SASH1: variants seen among roughly 807,000 people sequenced by gnomAD.
SASH1 encodes the protein SAM and SH3 domain containing 1.
A neutral mutation model predicts 125.2 loss-of-function variants in SASH1; 44 were observed. The ratio of observed to expected loss-of-function variants is 0.35; its 90% CI spans 0.28 to 0.45. The LOEUF (loss-of-function observed/expected upper bound fraction) is 0.45. Among genes scored for constraint, SASH1 ranks in the 20% least tolerant of loss-of-function variants. The pLI is 1.00. For synonymous variants in SASH1, 639 were observed against 649.1 expected (o/e 0.98, Z 0.24); for missense variants, 1,426 against 1,614.5 (o/e 0.88, Z 2.00).
intron 8 of SASH1, among the ~76,000 whole-genome samples, chr6:148,492,940 A>T (rs532987745): frequency 1.3e-5 from 2 of 152,362 alleles, no homozygotes; most frequent in Admixed American, 6.5e-5. Context: ...CTAACTTCTT[A>T]CCAAACTATT....
At chr6:148,323,929 A>G (rs546427918) in intron 1 of SASH1, among the ~76,000 whole-genome samples, 386 of 152,068 alleles carry the variant, frequency 2.5e-3, no homozygotes, top group Non-Finnish European at 4.2e-3. Context: ...GATCGAGACT[A>G]TGCTGGCCAA....
chr6:148,332,981 C>A (rs1218371910), intron 1 of SASH1, among the ~76,000 whole-genome samples: 1 of 151,874 alleles, frequency 6.6e-6, no homozygotes, highest in African/African-American at 2.4e-5. Context: ...AGCGAGACTC[C>A]TTCTCAAAAA....
rs1380333569 is a variant in SASH1, at chr6:148,514,410, A to G, written c.816A>G (p.Arg272=). Residue 272 remains arginine (R), a synonymous_variant, in exon 9 of 20, where the codon AGA becomes AGG. Coordinates refer to ENST00000367467, the MANE Select transcript of SASH1 (RefSeq NM_015278.5). ...TGGTAAACTCCACTCGCAGAGTCAGAAAGAAACTAATTAGGGTGGAAGAAA... is the reference window on the plus strand; with the variant it reads ...TGGTAAACTCCACTCGCAGAGTCAGGAAGAAACTAATTAGGGTGGAAGAAA... ...HKLVNSTRRV[R]KKLIRVEEMK... 7 of 1,609,232 alleles carry G rather than the reference A, an allele frequency of 4.3e-6. No homozygotes were observed. In the South Asian group the frequency reaches 7.7e-5, roughly 18 times the overall value.
At chr6:148,359,960 G>A (rs1383006217) in intron 1 of SASH1, among the ~76,000 whole-genome samples, 3 of 152,066 alleles carry the variant, frequency 2.0e-5, no homozygotes, top group Admixed American at 6.6e-5. Flanking sequence ...GGGTTTCACC[G>A]TGTTAGCCAG....
chr6:148,492,028 G>A (rs1168914408), intron 8 of SASH1, among the ~76,000 whole-genome samples: 1 of 152,130 alleles, frequency 6.6e-6, no homozygotes, highest in Non-Finnish European at 1.5e-5. Context: ...CCCAACTTGG[G>A]GGAGAAAACA....
chr6:148,466,610 G>A (rs1297739858), intron 4 of SASH1, among the ~76,000 whole-genome samples: 3 of 152,132 alleles, frequency 2.0e-5, no homozygotes, highest in Non-Finnish European at 2.9e-5. Context: ...CACCCAGTTT[G>A]GAGGTCAGTG....
intron 2 of SASH1, among the ~76,000 whole-genome samples, chr6:148,401,927 G>A (rs1313550288): frequency 6.6e-6 from 1 of 152,158 alleles, no homozygotes; most frequent in African/African-American, 2.4e-5. Flanking sequence ...TCCTTAGGGT[G>A]TGGGTTTCTT....
At chr6:148,510,995 CAAAA>C (rs5880785) in intron 8 of SASH1, among the ~76,000 whole-genome samples, 12 of 115,338 alleles carry the variant, frequency 1.0e-4, no homozygotes, top group Non-Finnish European at 1.2e-4. Flanking sequence ...GACTCCATCT[CAAAA>C]AAAAAAAAAA....
chr6:148,424,044 A>G (rs1190356027), intron 2 of SASH1, among the ~76,000 whole-genome samples: 2 of 151,776 alleles, frequency 1.3e-5, no homozygotes, highest in African/African-American at 2.4e-5. Flanking sequence ...CAGACAGCAG[A>G]CAGTCCTGCA....
chr6:148,391,994 T>C (rs1783745444), intron 2 of SASH1, among the ~76,000 whole-genome samples: 1 of 152,094 alleles, frequency 6.6e-6, no homozygotes. Context: ...AAAAAATGTT[T>C]GAAAACTAAG....
chr6:148,227,937 C>T, the SASH1 span, among the ~76,000 whole-genome samples: 5,464 of 152,202 alleles, frequency 0.036, 366 homozygotes, highest in East Asian at 0.26. Context: ...GCTGGAAAAA[C>T]ACCTGTAAGC....
At chr6:148,302,076 G>A (rs1779963795) in intron 1 of SASH1, among the ~76,000 whole-genome samples, 2 of 151,294 alleles carry the variant, frequency 1.3e-5, no homozygotes, top group African/African-American at 4.8e-5. Context: ...AGCACTTTGG[G>A]AGGCCGAGGC....
At chr6:148,198,898 C>G in the SASH1 span, among the ~76,000 whole-genome samples, 3 of 152,102 alleles carry the variant, frequency 2.0e-5, no homozygotes, top group Non-Finnish European at 4.4e-5. Context: ...ATAGCTGTCC[C>G]CTGTAGACAG....
intron 1 of SASH1, among the ~76,000 whole-genome samples, chr6:148,379,693 T>A (rs1461930594): frequency 1.3e-5 from 2 of 152,202 alleles, no homozygotes; most frequent in African/African-American, 4.8e-5. Context: ...TGCAATAATG[T>A]TAGATATTGA....
chr6:148,195,263 C>A, the SASH1 span, among the ~76,000 whole-genome samples: 1 of 152,122 alleles, frequency 6.6e-6, no homozygotes, highest in Non-Finnish European at 1.5e-5. Context: ...GTTTTTTCTG[C>A]ATGTCCTCCA....
At chr6:148,387,572 CTTTCT>C (rs1783447184) in intron 1 of SASH1, among the ~76,000 whole-genome samples, 1 of 5,182 alleles carries the variant, frequency 1.9e-4, no homozygotes, top group Admixed American at 2.8e-3. Context: ...TTTTCTCTTT[CTTTCT>C]TTCTTTCTTT....
At chr6:148,334,344 C>A (rs1321299028) in intron 1 of SASH1, among the ~76,000 whole-genome samples, 1 of 139,696 alleles carries the variant, frequency 7.2e-6, no homozygotes, top group Non-Finnish European at 1.5e-5. Flanking sequence ...AGGAGAATGG[C>A]GTGAACCCGG....
intron 12 of SASH1, 141 bp downstream of exon 12, chr6:148,527,737 A>G: frequency 1.2e-6 from 1 of 806,402 alleles, no homozygotes; most frequent in Non-Finnish European, 2.0e-6. Flanking sequence ...TTATTTACGT[A>G]GAGAAACACT....
chr6:148,442,228 A>T (rs1227394562), intron 4 of SASH1, among the ~76,000 whole-genome samples: 1 of 151,872 alleles, frequency 6.6e-6, no homozygotes, highest in Non-Finnish European at 1.5e-5. Flanking sequence ...CTGATCCAGC[A>T]CCAGCCCCCC....
Sources: gnomAD v4.1 joint callset for allele counts (sites outside exome capture counted in the v4.1 genomes callset) on GRCh38, gnomAD v4.1.1 for gene constraint, MANE v1.5 for transcripts, NCBI Gene and HGNC (gene_info 2026-07-23, HGNC 2026-07-21) for gene names.